The following ZBTB16 variants were observed in gnomAD, a reference collection of about 807,000 sequenced individuals.
ZBTB16 encodes zinc finger and BTB domain-containing protein 16.
Under a neutral mutation model 56.8 loss-of-function variants are expected in ZBTB16, and 8 were observed. The ratio of observed to expected loss-of-function variants is 0.14; its 90% CI spans 0.08 to 0.25. The LOEUF is 0.25. Ranked by LOEUF, ZBTB16 falls within the 10% of genes least tolerant of loss-of-function variation. ZBTB16 has a pLI of 1.00. For synonymous variants in ZBTB16, 363 were observed against 368.5 expected (o/e 0.98, Z 0.17); for missense variants, 625 against 903.0 (o/e 0.69, Z 3.95).
chr11:114,130,110 T>C (rs186540818), intron 2 of ZBTB16, among the ~76,000 whole-genome samples: 1 of 152,282 alleles, frequency 6.6e-6, no homozygotes, highest in Admixed American at 6.5e-5. Flanking sequence ...TTACGAAAAG[T>C]TTCTGCTTGT....
At chr11:114,187,462 T>A (rs1943389043) in intron 4 of ZBTB16, 4 of 252,986 alleles carry the variant, frequency 1.6e-5, no homozygotes, top group Non-Finnish European at 2.4e-5. Context: ...CTGCGAGAGC[T>A]GAGACATTGT....
intron 4 of ZBTB16, among the ~76,000 whole-genome samples, chr11:114,226,846 C>G (rs2519194): frequency 0.011 from 1,630 of 152,208 alleles, 26 homozygotes; most frequent in Non-Finnish European, 0.013. Flanking sequence ...ATGGGAAATG[C>G]TAGTGGGCAA....
intron 2 of ZBTB16, among the ~76,000 whole-genome samples, chr11:114,131,291 C>A (rs1056662886): frequency 1.3e-5 from 2 of 152,228 alleles, no homozygotes; most frequent in Non-Finnish European, 2.9e-5. Flanking sequence ...CCTGCTCCCC[C>A]ACCCCACTAC....
intron 4 of ZBTB16, chr11:114,210,733 TC>T (rs1276325774): frequency 1.4e-5 from 3 of 217,800 alleles, no homozygotes; most frequent in Non-Finnish European, 2.8e-5. Flanking sequence ...CTTAGAGACA[TC>T]CCAGGCCTGG....
rs781449060 is a variant in ZBTB16, at chr11:114,250,553, TG to T, written c.2021del (p.Ter674=). On this transcript the variant is annotated frameshift_variant and stop_lost, in exon 7 of 7. Transcript: ENST00000335953. LOFTEE classifies it high-confidence loss of function. This position sits in a 1 kb window ranked among gnomAD's most constrained non-coding sequence, Gnocchi z 6.0. ...EKTYLYLCYV* is the reference protein window; with the variant it reads ...EKTYLYLCYVX ...GACGTACCTCTACCTGTGCTATGTG[TG>T]AAGGGAGGCCCGCGGCGGTGGAGCC... 221 of 1,611,900 alleles carry T rather than the reference TG, an allele frequency of 1.4e-4. No homozygotes were observed. The highest frequency in any genetic ancestry group is 1.8e-4 in the Non-Finnish European group (216 of 1,179,570).
intron 2 of ZBTB16, among the ~76,000 whole-genome samples, chr11:114,118,782 G>A (rs1162926362): frequency 6.6e-6 from 1 of 152,140 alleles, no homozygotes; most frequent in African/African-American, 2.4e-5. Context: ...GGGTTATGAA[G>A]AGACAAATGT....
chr11:114,102,557 G>A (rs183637701), intron 2 of ZBTB16, among the ~76,000 whole-genome samples: 75 of 133,556 alleles, frequency 5.6e-4, no homozygotes, highest in African/African-American at 2.0e-3. Context: ...CCACCCCCCG[G>A]CTGCCCCTGC....
At chr11:114,141,384 C>T (rs952977971) in intron 2 of ZBTB16, among the ~76,000 whole-genome samples, 1 of 152,208 alleles carries the variant, frequency 6.6e-6, no homozygotes, top group African/African-American at 2.4e-5. Flanking sequence ...GATTTGTTGA[C>T]ATATTGGCAC....
intron 4 of ZBTB16, among the ~76,000 whole-genome samples, chr11:114,204,950 G>T (rs2135114158): frequency 6.6e-6 from 1 of 152,268 alleles, no homozygotes; most frequent in South Asian, 2.1e-4. Context: ...CTGCCCTGAG[G>T]TCGGGCAGAC....
chr11:114,129,847 A>T (rs904802470), intron 2 of ZBTB16, among the ~76,000 whole-genome samples: 10 of 152,192 alleles, frequency 6.6e-5, no homozygotes, highest in Non-Finnish European at 1.0e-4. Flanking sequence ...AGCACAGAAT[A>T]TGGGCTTCTC....
At chr11:114,069,564 C>CAGCT (rs1939253323) in intron 2 of ZBTB16, among the ~76,000 whole-genome samples, 1 of 152,310 alleles carries the variant, frequency 6.6e-6, no homozygotes, top group South Asian at 2.1e-4. Context: ...CTCAGATGGT[C>CAGCT]AGCTGCTCTG....
intron 2 of ZBTB16, among the ~76,000 whole-genome samples, chr11:114,106,413 C>G (rs934626129): frequency 6.6e-6 from 1 of 151,476 alleles, no homozygotes; most frequent in Non-Finnish European, 1.5e-5. Context: ...GCTCTGGTTT[C>G]TTTTGAATAA....
At chr11:114,092,796 T>G (rs1940241048) in intron 2 of ZBTB16, among the ~76,000 whole-genome samples, 1 of 152,104 alleles carries the variant, frequency 6.6e-6, no homozygotes, top group South Asian at 2.1e-4. Context: ...CAGGCCATGG[T>G]CCTTTTATGA....
chr11:114,071,182 T>A lies in ZBTB16; in HGVS notation c.1268+6614T>A, dbSNP rs532924938. ...TTAATTGAATTTTGCTGTTTTGGAA[T>A]CTGGATTGGCAGTTCAGCCAGTTAA... On this transcript the variant is annotated intron_variant, in intron 2 of 6. Transcript: ENST00000335953. Among the ~76,000 whole-genome samples the A allele has an allele frequency of 7.2e-5, 11 of 152,280 alleles. No individual in the cohort carries two copies. The East Asian group carries it at 2.1e-3, about 29-fold the overall frequency.
intron 2 of ZBTB16, among the ~76,000 whole-genome samples, chr11:114,152,222 A>T (rs1041996339): frequency 1.3e-5 from 2 of 152,210 alleles, no homozygotes; most frequent in African/African-American, 4.8e-5. Flanking sequence ...TGAGGAAAGG[A>T]AATATAGGCA....
At chr11:114,204,418 G>A (rs1179722016) in intron 4 of ZBTB16, among the ~76,000 whole-genome samples, 9 of 152,150 alleles carry the variant, frequency 5.9e-5, no homozygotes, top group African/African-American at 2.2e-4. Flanking sequence ...GGGATTACAG[G>A]TGTGAGCCAC....
At chr11:114,105,952 A>G (rs1418950794) in intron 2 of ZBTB16, among the ~76,000 whole-genome samples, 1 of 152,236 alleles carries the variant, frequency 6.6e-6, no homozygotes, top group African/African-American at 2.4e-5. Flanking sequence ...TATGTATAAA[A>G]GATTGTCCAT....
chr11:114,079,225 T>C (rs780622356), intron 2 of ZBTB16, among the ~76,000 whole-genome samples: 5 of 152,162 alleles, frequency 3.3e-5, no homozygotes, highest in Non-Finnish European at 7.3e-5. Context: ...TACTTTTCTT[T>C]TGAAAATGAC....
At chr11:114,119,264 C>G (rs77679936) in intron 2 of ZBTB16, among the ~76,000 whole-genome samples, 49 of 57,218 alleles carry the variant, frequency 8.6e-4, no homozygotes, top group Non-Finnish European at 1.2e-3. Context: ...AACTCTGTCT[C>G]AAAAAAAAAA....
Sources: gnomAD v4.1 joint callset for allele counts (sites outside exome capture counted in the v4.1 genomes callset) on GRCh38, gnomAD v4.1.1 for gene constraint, Gnocchi (gnomAD v3.1) non-coding constraint, MANE v1.5 for transcripts, NCBI Gene and HGNC (gene_info 2026-07-23, HGNC 2026-07-21) for gene names.